The following KHDRBS2 variants were observed in gnomAD, a reference collection of about 807,000 sequenced individuals.
KHDRBS2 encodes KH domain-containing, RNA-binding, signal transduction-associated protein 2.
A neutral mutation model predicts 44.3 loss-of-function variants in KHDRBS2; 26 were observed. The observed-to-expected ratio is 0.59, with a 90% CI of 0.43 to 0.81. The LOEUF (loss-of-function observed/expected upper bound fraction) is 0.81, where lower values mean the gene tolerates loss of function less well. KHDRBS2 is among the 40% of genes least tolerant of loss of function. The probability of loss-of-function intolerance (pLI) is 0.00; values close to 1 mark genes in which losing one functional copy is unlikely to be tolerated. For missense variants in KHDRBS2, 476 were observed against 433.1 expected, an observed-to-expected ratio of 1.10 and a Z score of -0.88; for synonymous variants, 194 against 151.1, an observed-to-expected ratio of 1.28 and a Z score of -2.08.
intron 2 of KHDRBS2, among the ~76,000 whole-genome samples, chr6:62,169,811 T>C (rs1420160177): frequency 1.3e-5 from 2 of 151,962 alleles, no homozygotes; most frequent in African/African-American, 2.4e-5. Flanking sequence ...TCTGAAGCCT[T>C]AGACCCTGGA....
chr6:61,554,327 CCT>C, the KHDRBS2 span, among the ~76,000 whole-genome samples: 3 of 151,816 alleles, frequency 2.0e-5, no homozygotes, highest in East Asian at 1.9e-4. Flanking sequence ...AAGAGCAACC[CCT>C]GTTTTTTTTT....
chr6:61,560,020 T>A, the KHDRBS2 span, among the ~76,000 whole-genome samples: 3 of 152,180 alleles, frequency 2.0e-5, no homozygotes. Context: ...ATCCCTCAGC[T>A]TTTGCTTGGG....
At chr6:62,208,689 T>G (rs1828475718) in intron 1 of KHDRBS2, among the ~76,000 whole-genome samples, 2 of 152,186 alleles carry the variant, frequency 1.3e-5, no homozygotes, top group Non-Finnish European at 2.9e-5. Flanking sequence ...CCAGTTTACA[T>G]TCCTACCAAG....
intron 3 of KHDRBS2, among the ~76,000 whole-genome samples, chr6:62,008,730 G>A (rs1584124465): frequency 6.6e-6 from 1 of 152,102 alleles, no homozygotes. Context: ...TATTGAATGG[G>A]CCTCACAAGA....
At chr6:61,547,912 G>A in the KHDRBS2 span, among the ~76,000 whole-genome samples, 1 of 152,058 alleles carries the variant, frequency 6.6e-6, no homozygotes, top group Non-Finnish European at 1.5e-5. Flanking sequence ...ATAGACAAGG[G>A]CTTGGAATAA....
intron 3 of KHDRBS2, 68 bp from the exon 4 acceptor site, chr6:61,978,280 A>G: frequency 7.8e-7 from 1 of 1,281,580 alleles, no homozygotes. Flanking sequence ...TTTACTGAGA[A>G]TATGACAAAG....
chr6:61,952,235 T>C (rs1764908025), intron 4 of KHDRBS2, among the ~76,000 whole-genome samples: 1 of 152,038 alleles, frequency 6.6e-6, no homozygotes, highest in South Asian at 2.1e-4. Flanking sequence ...ACTTTTCAGT[T>C]AAAAACTACA....
At chr6:61,607,520 C>A in the KHDRBS2 span, among the ~76,000 whole-genome samples, 15,101 of 41,366 alleles carry the variant, frequency 0.37, 2,224 homozygotes, top group African/African-American at 0.39. Context: ...GAGTTCCAAG[C>A]AAAAAAAAAA....
At chr6:61,965,471 T>C (rs1769717148) in intron 4 of KHDRBS2, among the ~76,000 whole-genome samples, 1 of 151,996 alleles carries the variant, frequency 6.6e-6, no homozygotes, top group Admixed American at 6.6e-5. Context: ...TTCCCTACAG[T>C]TTCTTCTTTT....
intron 4 of KHDRBS2, among the ~76,000 whole-genome samples, chr6:61,943,585 G>A (rs887954056): frequency 1.1e-4 from 16 of 152,018 alleles, no homozygotes; most frequent in African/African-American, 3.4e-4. Context: ...TCACAACATT[G>A]ATCTAAGTAA....
rs1396489509 is a variant in KHDRBS2 at position 62,039,062 on chromosome 6, A to G, written c.336+8816T>C. On this transcript the variant is annotated intron_variant, in intron 3 of 8. Transcript: ENST00000281156. ...CTTTGGTTACTGAATTTGTAGGCAA[A>G]GCAAAGATAGAATCCAGTATAAAAA... is the stretch of plus-strand genomic sequence containing the variant. Among the ~76,000 whole-genome samples, 4 of 152,200 alleles carry G rather than the reference A, an allele frequency of 2.6e-5. No individual in the cohort carries two copies. The East Asian group carries it at 7.8e-4, about 29-fold the overall frequency.
At chr6:62,173,313 A>G (rs1412318272) in intron 2 of KHDRBS2, among the ~76,000 whole-genome samples, 3 of 152,022 alleles carry the variant, frequency 2.0e-5, no homozygotes, top group African/African-American at 4.8e-5. Context: ...ACACCTCTAT[A>G]CACACATATG....
chr6:61,632,868 T>G, the KHDRBS2 span, among the ~76,000 whole-genome samples: 1 of 152,148 alleles, frequency 6.6e-6, no homozygotes, highest in Non-Finnish European at 1.5e-5. Context: ...TACACAAATA[T>G]AAATGAAAAT....
chr6:61,575,419 C>T, the KHDRBS2 span, among the ~76,000 whole-genome samples: 7 of 152,092 alleles, frequency 4.6e-5, no homozygotes, highest in African/African-American at 7.2e-5. Flanking sequence ...CCACCTTACT[C>T]CTGCAAGAAT....
the KHDRBS2 span, among the ~76,000 whole-genome samples, chr6:61,652,540 A>G: frequency 6.6e-6 from 1 of 152,086 alleles, no homozygotes; most frequent in East Asian, 1.9e-4. Flanking sequence ...AAGTGCTATG[A>G]AGGAAATGAA....
At chr6:61,646,510 G>A in the KHDRBS2 span, among the ~76,000 whole-genome samples, 4 of 152,096 alleles carry the variant, frequency 2.6e-5, no homozygotes, top group Non-Finnish European at 5.9e-5. Context: ...CAAAAAAATA[G>A]CATTTGGTAA....
chr6:61,640,015 G>T, the KHDRBS2 span, among the ~76,000 whole-genome samples: 4 of 151,978 alleles, frequency 2.6e-5, no homozygotes, highest in East Asian at 1.9e-4. Flanking sequence ...CTGTAAATGG[G>T]CATTTTTGGC....
At chr6:61,941,113 C>T (rs1443277917) in intron 4 of KHDRBS2, among the ~76,000 whole-genome samples, 1 of 152,160 alleles carries the variant, frequency 6.6e-6, no homozygotes, top group African/African-American at 2.4e-5. Context: ...TTGCCATAGC[C>T]CTGTGCCAGG....
chr6:62,146,918 G>T (rs946379203), intron 2 of KHDRBS2, among the ~76,000 whole-genome samples: 3 of 152,004 alleles, frequency 2.0e-5, no homozygotes, highest in Admixed American at 2.0e-4. Flanking sequence ...CCCAATCTGT[G>T]ATCCAGTGAA....
Sources: gnomAD v4.1 joint callset for allele counts (sites outside exome capture counted in the v4.1 genomes callset) on GRCh38, gnomAD v4.1.1 for gene constraint, MANE v1.5 for transcripts, NCBI Gene and HGNC (gene_info 2026-07-23, HGNC 2026-07-21) for gene names.